PIEZO2: variants seen among roughly 807,000 people sequenced by gnomAD.
PIEZO2 encodes piezo type mechanosensitive ion channel component 2, also known as piezo-type mechanosensitive ion channel component 2.
A neutral mutation model predicts 337.3 loss-of-function variants in PIEZO2; 172 were observed. The ratio of observed to expected loss-of-function variants is 0.51; its 90% CI spans 0.45 to 0.58. The LOEUF (loss-of-function observed/expected upper bound fraction) is 0.58, where lower values mean the gene tolerates loss of function less well. Ranked by LOEUF, PIEZO2 falls within the 20% of genes least tolerant of loss-of-function variation. PIEZO2 has a pLI of 0.00. For missense variants in PIEZO2, 3,028 were observed against 3,391.3 expected (o/e 0.89, Z 2.66); for synonymous variants, 1,251 against 1,228.5 (o/e 1.02, Z -0.38).
chr18:10,768,457 A>C (rs539547328), intron 21 of PIEZO2, among the ~76,000 whole-genome samples: 10 of 152,328 alleles, frequency 6.6e-5, no homozygotes, highest in African/African-American at 2.4e-4. Context: ...CCCAGAGACC[A>C]AAGCTTCAGG....
intron 3 of PIEZO2, among the ~76,000 whole-genome samples, chr18:10,965,276 T>C (rs144853011): frequency 6.6e-6 from 1 of 152,380 alleles, no homozygotes; most frequent in Admixed American, 6.5e-5. Context: ...TTCTCCACAT[T>C]CTTGTCAACA....
rs540112219 is a variant in PIEZO2 at position 11,145,501 on chromosome 18, A to T, written c.64+3024T>A. Among the ~76,000 whole-genome samples, 21 of 152,358 alleles carry T rather than the reference A, an allele frequency of 1.4e-4. 1 individual carries two copies. Among genetic ancestry groups the T allele is most frequent in the Admixed American group, 1.3e-3 (20 of 15,308 alleles). ...AAATGAGCTTAAAGGAAAATATGTA[A>T]GCTTCTACAAAGGCTTAGCTTTGAA... On this transcript the variant is annotated intron_variant, in intron 1 of 55. Transcript: ENST00000674853.
intron 36 of PIEZO2, among the ~76,000 whole-genome samples, chr18:10,725,638 G>C (rs767822300): frequency 2.0e-5 from 3 of 152,232 alleles, no homozygotes; most frequent in Non-Finnish European, 4.4e-5. Context: ...AGGTAGGCCA[G>C]AACATGCCTG....
intron 39 of PIEZO2, among the ~76,000 whole-genome samples, chr18:10,710,104 A>G (rs1206631573): frequency 6.6e-6 from 1 of 152,232 alleles, no homozygotes; most frequent in Non-Finnish European, 1.5e-5. Flanking sequence ...TAATATTTGC[A>G]GAGATGCAAC....
At chr18:10,762,689 T>C in intron 22 of PIEZO2, 64 bp from the exon 23 acceptor site, 1 of 1,507,126 alleles carries the variant, frequency 6.6e-7, no homozygotes, top group East Asian at 2.5e-5. Context: ...CTCAGGTTAT[T>C]TCTTCTTCAG....
At chr18:10,966,767 C>T (rs2034017681) in intron 3 of PIEZO2, among the ~76,000 whole-genome samples, 1 of 152,006 alleles carries the variant, frequency 6.6e-6, no homozygotes. Flanking sequence ...TATCCCTCAC[C>T]CACCTCCTGC....
At chr18:10,955,824 C>T (rs2033494533) in intron 3 of PIEZO2, among the ~76,000 whole-genome samples, 1 of 152,144 alleles carries the variant, frequency 6.6e-6, no homozygotes, top group South Asian at 2.1e-4. Context: ...ATGTTTTCCA[C>T]ATTATAGAAC....
intron 4 of PIEZO2, among the ~76,000 whole-genome samples, chr18:10,906,713 G>A (rs958682695): frequency 4.0e-5 from 6 of 151,866 alleles, no homozygotes; most frequent in East Asian, 3.9e-4. Context: ...GGCACATGCC[G>A]CCACGCCTGG....
Position 10,983,260 on chromosome 18 carries a change from C to A in PIEZO2, c.161-3600G>T, listed in dbSNP as rs138366728. 2.5e-3 allele frequency among the ~76,000 whole-genome samples: 378 copies of A among 152,212 alleles called. 3 individuals carry two copies. Among genetic ancestry groups the A allele is most frequent in the African/African-American group, 8.6e-3 (356 of 41,536 alleles). On this transcript the variant is annotated intron_variant, in intron 2 of 55. Transcript: ENST00000674853. Reference sequence around the variant, plus strand: ...ACCAATATTGGCAAGCACCCATGGACATGAATATTTTTGTGGGAGCCCCAG... The same window carrying A: ...ACCAATATTGGCAAGCACCCATGGAAATGAATATTTTTGTGGGAGCCCCAG...
intron 1 of PIEZO2, among the ~76,000 whole-genome samples, chr18:11,114,634 C>T (rs898269032): frequency 1.3e-5 from 2 of 151,888 alleles, no homozygotes; most frequent in Non-Finnish European, 2.9e-5. Context: ...CACTGCACTC[C>T]AGCCTGGGCA....
Position 10,770,271 on chromosome 18 carries a change from G to C in PIEZO2, c.2823C>G (p.Leu941=), listed in dbSNP as rs748929204. 29 of 1,537,612 alleles carry C rather than the reference G, an allele frequency of 1.9e-5. No homozygotes were observed. Among genetic ancestry groups the C allele is most frequent in the Non-Finnish European group, 2.5e-5 (29 of 1,146,988 alleles). The change falls in exon 21 of 56, where the codon CTC becomes CTG. Residue 941 remains leucine (L), a synonymous_variant. Coordinates refer to ENST00000674853, the MANE Select transcript of PIEZO2 (RefSeq NM_001378183.1). ...RNKWHLVIDR[L]TVLFLKFLEY... ...CCAGGAATTTTAAGAAGAGCACAGT[G>C]AGGCGGTCAATCACCAGGTGCCATT...
At chr18:11,103,343 T>A (rs1307548204) in intron 1 of PIEZO2, among the ~76,000 whole-genome samples, 1 of 152,202 alleles carries the variant, frequency 6.6e-6, no homozygotes, top group Non-Finnish European at 1.5e-5. Context: ...CCCAAAGTGC[T>A]AGGATTACAG....
intron 51 of PIEZO2, among the ~76,000 whole-genome samples, chr18:10,680,762 G>GAACTGCTC (rs2034230821): frequency 6.6e-6 from 1 of 152,168 alleles, no homozygotes; most frequent in South Asian, 2.1e-4. Context: ...CCTCTCTGAA[G>GAACTGCTC]AACTGCTCAT....
At chr18:10,866,008 A>T (rs1327332639) in intron 5 of PIEZO2, among the ~76,000 whole-genome samples, 1 of 152,222 alleles carries the variant, frequency 6.6e-6, no homozygotes, top group East Asian at 1.9e-4. Flanking sequence ...AAAAATATTG[A>T]TCTAAAAAGA....
intron 1 of PIEZO2, among the ~76,000 whole-genome samples, chr18:11,123,033 C>T (rs1296814837): frequency 6.6e-6 from 1 of 151,736 alleles, no homozygotes; most frequent in South Asian, 2.1e-4. Flanking sequence ...CTTTTTTAAT[C>T]TGTCGGAATG....
At chr18:11,054,534 A>G (rs2037646392) in intron 2 of PIEZO2, among the ~76,000 whole-genome samples, 1 of 152,226 alleles carries the variant, frequency 6.6e-6, no homozygotes, top group Non-Finnish European at 1.5e-5. Flanking sequence ...TTCGGGCAAA[A>G]AAGCATATCC....
At chr18:10,721,320 A>C (rs2036301464) in intron 36 of PIEZO2, among the ~76,000 whole-genome samples, 1 of 152,228 alleles carries the variant, frequency 6.6e-6, no homozygotes, top group South Asian at 2.1e-4. Flanking sequence ...GCACTTCAGA[A>C]GAATGGGATC....
chr18:10,708,090 A>G (rs2035660071), intron 40 of PIEZO2, among the ~76,000 whole-genome samples, 185 bp downstream of exon 40: 2 of 152,258 alleles, frequency 1.3e-5, no homozygotes, highest in South Asian at 2.1e-4. Context: ...AGTTTAATAT[A>G]ATGCTGTCCT....
At position 10,988,307 on chromosome 18, in the gene PIEZO2, C is replaced by G. The variant is rs548446071; in HGVS notation, c.161-8647G>C. Among the ~76,000 whole-genome samples the G allele has an allele frequency of 1.3e-5, 2 of 152,280 alleles. No homozygotes were observed. Among genetic ancestry groups the G allele is most frequent in the African/African-American group, 4.8e-5 (2 of 41,560 alleles). On this transcript the variant is annotated intron_variant, in intron 2 of 55. Coordinates refer to ENST00000674853, the MANE Select transcript of PIEZO2 (RefSeq NM_001378183.1). This position sits in a 1 kb window ranked among gnomAD's most constrained non-coding sequence, Gnocchi z 4.8. ...ATGCTGATTTTGGACTTCCCACCCT[C>G]TGGAACTATGAGTAATAAATTTCTA... is the stretch of plus-strand genomic sequence containing the variant.
Sources: allele counts gnomAD v4.1 joint callset (sites outside exome capture counted in the v4.1 genomes callset), GRCh38; gene constraint gnomAD v4.1.1; non-coding constraint Gnocchi (gnomAD v3.1); transcripts MANE v1.5; gene names NCBI Gene and HGNC (gene_info 2026-07-23, HGNC 2026-07-21).